SEC24D: variants seen among roughly 807,000 people sequenced by gnomAD.
The protein encoded by SEC24D is SEC24 homolog D, COPII component.
A neutral mutation model predicts 116.9 loss-of-function variants in SEC24D; 69 were observed. The observed-to-expected ratio is 0.59, with a 90% confidence interval of 0.49 to 0.72. SEC24D has a LOEUF of 0.72. SEC24D is among the 30% of genes least tolerant of loss of function. The probability of loss-of-function intolerance (pLI) is 0.00; values close to 1 mark genes in which losing one functional copy is unlikely to be tolerated. For missense variants in SEC24D, 1,131 were observed against 1,264.1 expected (o/e 0.89, Z 1.60); for synonymous variants, 405 against 442.8 (o/e 0.91, Z 1.07).
intron 22 of SEC24D, 91 bp downstream of exon 22, chr4:118,728,470 A>G: frequency 1.4e-6 from 1 of 724,308 alleles, no homozygotes; most frequent in East Asian, 2.7e-5. Context: ...AAAATCAAAG[A>G]TCACGTCATA....
At chr4:118,738,092 A>G in intron 19 of SEC24D, 169 bp downstream of exon 19, 2 of 525,510 alleles carry the variant, frequency 3.8e-6, no homozygotes. Context: ...TTGGCTATAA[A>G]AAAAAAAACC....
chr4:118,826,036 G>A (rs1247569617), intron 2 of SEC24D, among the ~76,000 whole-genome samples: 1 of 151,178 alleles, frequency 6.6e-6, no homozygotes, highest in Non-Finnish European at 1.5e-5. Flanking sequence ...GTGAAGTGCC[G>A]GTCTTCATGA....
chr4:118,832,835 A>G (rs1730921356), intron 2 of SEC24D, among the ~76,000 whole-genome samples: 1 of 152,244 alleles, frequency 6.6e-6, no homozygotes, highest in South Asian at 2.1e-4. Context: ...GAAGGGGTTA[A>G]TGGTTTCTAC....
chr4:118,786,598 A>C (rs1232256455), intron 8 of SEC24D, among the ~76,000 whole-genome samples: 1 of 152,242 alleles, frequency 6.6e-6, no homozygotes, highest in Non-Finnish European at 1.5e-5. Context: ...CTTCCAGGTG[A>C]ACATGACACA....
intron 3 of SEC24D, among the ~76,000 whole-genome samples, chr4:118,820,707 T>C (rs1730366547): frequency 6.6e-6 from 1 of 151,984 alleles, no homozygotes; most frequent in African/African-American, 2.4e-5. Flanking sequence ...AAGAACCATA[T>C]AGAGTTAAAT....
chr4:118,797,114 AG>A (rs1356018786), intron 8 of SEC24D, among the ~76,000 whole-genome samples: 9 of 152,326 alleles, frequency 5.9e-5, no homozygotes, highest in Non-Finnish European at 1.2e-4. Flanking sequence ...ACCCACTGGC[AG>A]CATCCTGACA....
intron 8 of SEC24D, among the ~76,000 whole-genome samples, chr4:118,787,062 A>G (rs1483458160): frequency 1.3e-5 from 2 of 152,218 alleles, no homozygotes; most frequent in South Asian, 2.1e-4. Context: ...CACATGTGCT[A>G]TAAGGCTAGA....
At chr4:118,792,036 G>C (rs1381502390) in intron 8 of SEC24D, among the ~76,000 whole-genome samples, 1 of 151,944 alleles carries the variant, frequency 6.6e-6, no homozygotes, top group Admixed American at 6.6e-5. Flanking sequence ...CGTCTAGGAA[G>C]TGAGGAGCGT....
At chr4:118,800,095 T>A (rs1451683906) in intron 7 of SEC24D, among the ~76,000 whole-genome samples, 1 of 152,082 alleles carries the variant, frequency 6.6e-6, no homozygotes, top group African/African-American at 2.4e-5. Flanking sequence ...GAGGGCCAAA[T>A]GCAGGTGGGC....
intron 8 of SEC24D, among the ~76,000 whole-genome samples, chr4:118,796,312 A>AT (rs1377190711): frequency 2.0e-5 from 3 of 152,266 alleles, no homozygotes. Context: ...CCTCATTCAT[A>AT]CTAAGCATAG....
intron 8 of SEC24D, among the ~76,000 whole-genome samples, chr4:118,779,037 G>C (rs921921587): frequency 6.6e-6 from 1 of 152,182 alleles, no homozygotes. Flanking sequence ...ATACAATCAT[G>C]TCATCTGCAA....
intron 2 of SEC24D, chr4:118,825,319 C>G (rs1226881622): frequency 6.9e-6 from 2 of 290,426 alleles, no homozygotes; most frequent in African/African-American, 4.4e-5. Flanking sequence ...TGGGGGACTG[C>G]TCACTCACAG....
At chr4:118,829,267 C>T (rs1730729018) in intron 2 of SEC24D, among the ~76,000 whole-genome samples, 1 of 152,164 alleles carries the variant, frequency 6.6e-6, no homozygotes, top group South Asian at 2.1e-4. Flanking sequence ...AATTTCAGCA[C>T]TTTGGGAGGC....
intron 13 of SEC24D, among the ~76,000 whole-genome samples, chr4:118,747,700 G>C (rs994885224): frequency 1.3e-5 from 2 of 152,202 alleles, no homozygotes; most frequent in Non-Finnish European, 2.9e-5. Context: ...GGCATTCACT[G>C]TCAAAAATTC....
At chr4:118,736,514 G>A (rs760251887) in intron 19 of SEC24D, 14 of 280,270 alleles carry the variant, frequency 5.0e-5, no homozygotes, top group Non-Finnish European at 9.7e-5. Flanking sequence ...TGGTAAAATA[G>A]TGGAATTCCT....
intron 1 of SEC24D, among the ~76,000 whole-genome samples, chr4:118,835,627 G>A (rs1731063572): frequency 6.6e-6 from 1 of 152,234 alleles, no homozygotes; most frequent in Admixed American, 6.5e-5. Flanking sequence ...ATAAGGAGAT[G>A]AGAAAACCGC....
At chr4:118,816,912 C>T (rs1181073142) in intron 4 of SEC24D, 2 of 398,624 alleles carry the variant, frequency 5.0e-6, no homozygotes, top group East Asian at 8.2e-5. Context: ...TTTGGGGGCC[C>T]CATCATAAAC....
chr4:118,734,852 T>G (rs1212797690), intron 19 of SEC24D, among the ~76,000 whole-genome samples: 1 of 152,212 alleles, frequency 6.6e-6, no homozygotes, highest in African/African-American at 2.4e-5. Flanking sequence ...TTAACAACAT[T>G]TGGTACTGGA....
intron 8 of SEC24D, among the ~76,000 whole-genome samples, chr4:118,781,598 G>A (rs1454125649): frequency 2.0e-5 from 3 of 152,068 alleles, no homozygotes; most frequent in Non-Finnish European, 2.9e-5. Context: ...GTATCTTTGT[G>A]GTGGTCTCTG....
Sources: gnomAD v4.1 joint callset for allele counts (sites outside exome capture counted in the v4.1 genomes callset) on GRCh38, gnomAD v4.1.1 for gene constraint, MANE v1.5 for transcripts, NCBI Gene and HGNC (gene_info 2026-07-23, HGNC 2026-07-21) for gene names.